The following SREBF2 variants were observed in gnomAD, a reference collection of about 807,000 sequenced individuals.
SREBF2 encodes sterol regulatory element-binding protein 2.
A neutral mutation model predicts 113.1 loss-of-function variants in SREBF2; 55 were observed. The observed-to-expected ratio is 0.49, with a 90% CI of 0.39 to 0.61. SREBF2 has a LOEUF of 0.61. Among genes scored for constraint, SREBF2 ranks in the 20% least tolerant of loss-of-function variants. The pLI, the probability that SREBF2 is intolerant of heterozygous loss-of-function variation, is 0.00. For missense variants in SREBF2, 1,349 were observed against 1,487.4 expected (o/e 0.91, Z 1.53); for synonymous variants, 593 against 605.7 (o/e 0.98, Z 0.31).
At chr22:41,893,584 AG>A (rs2077384694) in intron 12 of SREBF2, among the ~76,000 whole-genome samples, 1 of 152,160 alleles carries the variant, frequency 6.6e-6, no homozygotes, top group Non-Finnish European at 1.5e-5. Flanking sequence ...TTAAGCTCCA[AG>A]GGTACTCTTA....
chr22:41,884,932 C>T lies in SREBF2; in HGVS notation c.2129C>T (p.Pro710Leu), dbSNP rs750900674. The T allele has an allele frequency of 1.1e-5, 18 of 1,614,172 alleles. No individual in the cohort carries two copies. The highest frequency in any genetic ancestry group is 1.4e-5 in the Non-Finnish European group (16 of 1,180,026). The change falls in exon 11 of 19, where the codon CCG becomes CTG. Residue 710 changes from proline (P) to leucine (L), a missense_variant. Physicochemically the swap from Pro to Leu is moderately conservative, Grantham distance 98 (BLOSUM62 -3). This residue lies in a region of SREBF2 where 650 missense variants were observed against 644.1 expected (regional missense o/e 1.01). Coordinates refer to ENST00000361204, the MANE Select transcript of SREBF2 (RefSeq NM_004599.4). ...LAECAEEKIP[P>L]STLVEIHLTA... ...GAATGTGCAGAGGAGAAGATCCCACCGAGCACACTGGTTGAGATCCATCTG... is the reference window on the plus strand; with the variant it reads ...GAATGTGCAGAGGAGAAGATCCCACTGAGCACACTGGTTGAGATCCATCTG...
At chr22:41,881,345 G>C (rs1007321465) in intron 10 of SREBF2, among the ~76,000 whole-genome samples, 1 of 152,228 alleles carries the variant, frequency 6.6e-6, no homozygotes, top group African/African-American at 2.4e-5. Context: ...ATGATCATCT[G>C]TTTCATTCAG....
intron 1 of SREBF2, among the ~76,000 whole-genome samples, chr22:41,862,782 C>A (rs1003380235): frequency 6.6e-6 from 1 of 152,226 alleles, no homozygotes; most frequent in South Asian, 2.1e-4. Flanking sequence ...TCCCATCACT[C>A]CTTTCTGCAG....
At chr22:41,870,209 C>T (rs1384172334) in intron 3 of SREBF2, among the ~76,000 whole-genome samples, 1 of 152,194 alleles carries the variant, frequency 6.6e-6, no homozygotes. Flanking sequence ...ATTTTTGCTT[C>T]TCAGCCATGT....
In SREBF2 at chr22:41,897,127, A is replaced by C; in HGVS notation, c.2571A>C (p.Pro857=). The C allele has an allele frequency of 6.2e-7, 1 of 1,611,894 alleles. No homozygotes were observed. The highest frequency in any genetic ancestry group is 8.5e-7 in the Non-Finnish European group (1 of 1,179,722). The change falls in exon 14 of 19, where the codon CCA becomes CCC. Residue 857 remains proline, a synonymous_variant. Coordinates refer to ENST00000361204, the MANE Select transcript of SREBF2 (RefSeq NM_004599.4). The stretch of plus-strand genomic sequence containing the variant: ...ACTCTGTGGGGGTTATGAGCCCCCC[A>C]CTCTCCAGGAGCTCCGTGCTCAAGT... ...FVDSVGVMSP[P]LSRSSVLKSA...
In SREBF2 at chr22:41,905,460, G is replaced by A. The variant is rs749342990; in HGVS notation, c.3226G>A (p.Gly1076Ser). ...TKHGEVDAWPGQRERATAILL... is the reference protein window; with the variant it reads ...TKHGEVDAWPSQRERATAILL... ...CACAGGAGAGGTGGATGCCTGGCCC[G>A]GCCAGCGAGAGCGGGCCACCGCCAT... The change falls in exon 19 of 19, where the codon GGC becomes AGC. Residue 1076 changes from glycine (G) to serine (S), a missense_variant. Transcript: ENST00000361204. 19 of 1,577,244 alleles carry A rather than the reference G, an allele frequency of 1.2e-5. No homozygotes were observed. The highest frequency in any genetic ancestry group is 9.2e-5 in the East Asian group (4 of 43,422).
chr22:41,836,175 G>A (rs2076772800), intron 1 of SREBF2, among the ~76,000 whole-genome samples: 1 of 152,186 alleles, frequency 6.6e-6, no homozygotes, highest in Non-Finnish European at 1.5e-5. Context: ...AAGAGGTGTG[G>A]CTGTTGTGTC....
chr22:41,904,638 G>A (rs1343679874), intron 17 of SREBF2: 1 of 698,858 alleles, frequency 1.4e-6, no homozygotes, highest in Non-Finnish European at 2.7e-6. Flanking sequence ...CAGGCCTTTT[G>A]CCTCTCTCTC....
chr22:41,905,320 C>A, intron 18 of SREBF2, 120 bp from the exon 19 acceptor site: 1 of 991,592 alleles, frequency 1.0e-6, no homozygotes, highest in Admixed American at 2.1e-5. Flanking sequence ...TTGGGTGGGG[C>A]AGCAGACCCC....
At chr22:41,894,715 A>G (rs998673228) in intron 12 of SREBF2, 105 bp from the exon 13 acceptor site, 38 of 951,152 alleles carry the variant, frequency 4.0e-5, no homozygotes, top group South Asian at 9.0e-5. Context: ...GGGGCATCTG[A>G]TCCCCATTCA....
rs143974765 is a variant in SREBF2 at position 41,893,092 on chromosome 22, A to G, written c.2209-25A>G. 6,638 of 1,611,596 alleles carry G rather than the reference A, an allele frequency of 4.1e-3. 21 individuals carry two copies. Among genetic ancestry groups the G allele is most frequent in the Middle Eastern group, 8.1e-3 (39 of 4,800 alleles). ...GCCAGCATTCTGCCACCTTGGTGTTACCCCTGGTCCTTGTCCTTCCACAGA... is the reference window on the plus strand; with the variant it reads ...GCCAGCATTCTGCCACCTTGGTGTTGCCCCTGGTCCTTGTCCTTCCACAGA... On this transcript the variant is annotated intron_variant, in intron 11 of 18. Coordinates refer to ENST00000361204, the MANE Select transcript of SREBF2 (RefSeq NM_004599.4).
At position 41,869,712 on chromosome 22, in the gene SREBF2, T is replaced by G. The variant is rs577156893; in HGVS notation, c.720+920T>G. On this transcript the variant is annotated intron_variant, in intron 3 of 18. Coordinates refer to ENST00000361204, the MANE Select transcript of SREBF2 (RefSeq NM_004599.4). ...GTTGGCCAGGCTGGTTTTGAACTCC[T>G]GGCCTCAAACAGTGCATCGATCTCG... Among the ~76,000 whole-genome samples, 4 of 152,158 alleles carry G rather than the reference T, an allele frequency of 2.6e-5. No individual in the cohort carries two copies. In the South Asian group the frequency reaches 6.2e-4, roughly 24 times the overall value.
chr22:41,904,728 C>G, intron 17 of SREBF2, 135 bp from the exon 18 acceptor site: 1 of 770,764 alleles, frequency 1.3e-6, no homozygotes. Flanking sequence ...GGTTGCTTTT[C>G]AGGGGTGAGC....
rs2077204611 is a variant in SREBF2 at position 41,877,248 on chromosome 22, C to G, written c.1406C>G (p.Ser469Cys). 1.2e-6 allele frequency: 2 copies of G among 1,614,112 alleles called. No individual in the cohort carries two copies. Among genetic ancestry groups the G allele is most frequent in the South Asian group, 1.1e-5 (1 of 91,096 alleles). ...DDAKVKDEPD[S>C]PPVALGMVDR... ...TTGAAGGTCAAAGATGAGCCAGACT[C>G]TCCTCCTGTGGCGCTGGGCATGGTA... The change falls in exon 8 of 19, where the codon TCT becomes TGT. Residue 469 changes from serine (S) to cysteine (C), a missense_variant. Around this residue, in one of 2 missense-constraint regions of SREBF2, gnomAD observed 699 missense variants for 843.3 expected, o/e 0.83. Transcript: ENST00000361204.
At position 41,874,084 on chromosome 22, in the gene SREBF2, G is replaced by T. The variant is rs144001985; in HGVS notation, c.1089+65G>T. 634 of 1,564,130 alleles carry T rather than the reference G, an allele frequency of 4.1e-4. 1 individual carries two copies. In the African/African-American group the frequency reaches 7.8e-3, roughly 19 times the overall value. On this transcript the variant is annotated intron_variant, in intron 5 of 18. Transcript: ENST00000361204. ...TCCCCTCTACCTGTTTTTGCCTCAG[G>T]AGCCTAGAGAAGTCCCAGGCTCAAG... is the stretch of plus-strand genomic sequence containing the variant.
chr22:41,903,303 C>A, intron 17 of SREBF2, 148 bp downstream of exon 17: 1 of 949,226 alleles, frequency 1.1e-6, no homozygotes, highest in Non-Finnish European at 1.6e-6. Flanking sequence ...GGCTCGTGCC[C>A]AACACTGGGC....
At chr22:41,878,250 G>A in intron 9 of SREBF2, 127 bp downstream of exon 9, 1 of 1,284,884 alleles carries the variant, frequency 7.8e-7, no homozygotes, top group South Asian at 1.3e-5. Flanking sequence ...CTGCTGAATA[G>A]TCACAGGGCA....
intron 16 of SREBF2, among the ~76,000 whole-genome samples, chr22:41,902,530 C>G (rs2077473514): frequency 6.6e-6 from 1 of 152,064 alleles, no homozygotes; most frequent in African/African-American, 2.4e-5. Context: ...CTCCTCCTTC[C>G]CCCAGCCCCA....
intron 8 of SREBF2, 76 bp downstream of exon 8, chr22:41,877,497 C>G: frequency 6.5e-7 from 1 of 1,527,420 alleles, no homozygotes. Flanking sequence ...GTACAAACTT[C>G]TTGGCTTGGC....
Sources: allele counts gnomAD v4.1 joint callset (sites outside exome capture counted in the v4.1 genomes callset), GRCh38; gene constraint gnomAD v4.1.1; regional missense constraint gnomAD v4.1.1; transcripts MANE v1.5; gene names NCBI Gene and HGNC (gene_info 2026-07-23, HGNC 2026-07-21).